The following PRPF6 variants were observed in gnomAD, a reference collection of about 807,000 sequenced individuals.
The protein encoded by PRPF6 is pre-mRNA-processing factor 6.
In PRPF6, 42 loss-of-function variants were observed where a neutral mutation model predicts 118.3. That is an observed-to-expected ratio of 0.35 (90% CI 0.28 to 0.46). The LOEUF is 0.46. Among genes scored for constraint, PRPF6 ranks in the 20% least tolerant of loss-of-function variants. The pLI is 1.00. For synonymous variants in PRPF6, 481 were observed against 485.1 expected (o/e 0.99, Z 0.11); for missense variants, 662 against 1,255.7 (o/e 0.53, Z 7.15).
intron 12 of PRPF6, among the ~76,000 whole-genome samples, chr20:64,017,150 G>A (rs1467889735): frequency 6.6e-6 from 1 of 152,222 alleles, no homozygotes; most frequent in African/African-American, 2.4e-5. Flanking sequence ...CACCGTGTTA[G>A]CCAGGATGGT....
intron 14 of PRPF6, 87 bp downstream of exon 14, chr20:64,024,780 A>G (rs1171411646): frequency 1.3e-6 from 2 of 1,515,516 alleles, no homozygotes; most frequent in African/African-American, 1.4e-5. Context: ...TCTCCCACAT[A>G]CAATGTGGCA....
chr20:63,981,352 C>T (rs1482401017), intron 1 of PRPF6, 36 bp downstream of exon 1: 3 of 1,547,750 alleles, frequency 1.9e-6, no homozygotes, highest in Non-Finnish European at 2.6e-6. Context: ...GGCGGGGACC[C>T]GGCTACAGGA....
intron 3 of PRPF6, among the ~76,000 whole-genome samples, chr20:63,991,717 G>A (rs1207032548): frequency 1.3e-5 from 2 of 152,064 alleles, no homozygotes; most frequent in Non-Finnish European, 1.5e-5. Flanking sequence ...TTAAACCCAG[G>A]AGGCGGAGGT....
rs1485530364 is a variant in PRPF6 at position 64,027,644 on chromosome 20, C to T, written c.2247C>T (p.Leu749=). Residue 749 remains leucine (L), a synonymous_variant, in exon 17 of 21, where the codon CTC becomes CTT. Coordinates refer to ENST00000266079, the MANE Select transcript of PRPF6 (RefSeq NM_012469.4). The surrounding 1 kb of genome is among the most constrained non-coding windows in gnomAD (Gnocchi z 6.5). Reference sequence around the variant, plus strand: ...ACTCCACACCCCTGTGGCTTTTGCTCTCTCGGCTGGAGGAGAAGATTGGGC... The same window carrying T: ...ACTCCACACCCCTGTGGCTTTTGCTTTCTCGGCTGGAGGAGAAGATTGGGC... ...CPHSTPLWLL[L]SRLEEKIGQL... 1.2e-6 allele frequency: 2 copies of T among 1,614,142 alleles called. 1 individual carries two copies. The highest frequency in any genetic ancestry group is 2.2e-5 in the South Asian group (2 of 91,074).
At chr20:64,021,239 G>T (rs1404020273) in intron 12 of PRPF6, among the ~76,000 whole-genome samples, 2 of 151,262 alleles carry the variant, frequency 1.3e-5, no homozygotes, top group African/African-American at 4.9e-5. Context: ...CCATGTCTGT[G>T]TGTGCGTGTG....
intron 14 of PRPF6, 121 bp downstream of exon 14, chr20:64,024,814 G>T (rs1030708014): frequency 1.3e-5 from 18 of 1,416,350 alleles, no homozygotes; most frequent in Non-Finnish European, 1.5e-5. Context: ...GGGTGCACTG[G>T]AGTCCAGGGG....
chr20:64,022,170 C>T (rs1391324995), intron 12 of PRPF6, among the ~76,000 whole-genome samples: 6 of 152,374 alleles, frequency 3.9e-5, no homozygotes, highest in Non-Finnish European at 7.3e-5. Flanking sequence ...TGTTTCTTGT[C>T]CTCATCCTCA....
chr20:64,004,990 G>A (rs993979595), intron 9 of PRPF6, among the ~76,000 whole-genome samples: 3 of 152,182 alleles, frequency 2.0e-5, no homozygotes, highest in South Asian at 2.1e-4. Context: ...CTGCAGTCAC[G>A]TGACCCCCGG....
intron 12 of PRPF6, among the ~76,000 whole-genome samples, chr20:64,021,282 C>T (rs1057237966): frequency 2.9e-5 from 4 of 138,858 alleles, no homozygotes; most frequent in African/African-American, 8.8e-5. Context: ...TTGGCCACAG[C>T]CCCGTGCGTG....
chr20:63,994,890 T>C, intron 4 of PRPF6, 26 bp from the exon 5 acceptor site: 1 of 1,614,114 alleles, frequency 6.2e-7, no homozygotes, highest in South Asian at 1.1e-5. Flanking sequence ...AGAGAATTAA[T>C]GTTTTTGGGG....
At chr20:63,984,832 T>C in intron 2 of PRPF6, 75 bp from the exon 3 acceptor site, 1 of 1,058,080 alleles carries the variant, frequency 9.5e-7, no homozygotes, top group Non-Finnish European at 1.5e-6. Context: ...ATTTCACAAG[T>C]AGAGATCTCC....
rs1032933476 is a variant in PRPF6 at position 64,029,786 on chromosome 20, C to T, written c.2546+295C>T. On this transcript the variant is annotated intron_variant, in intron 19 of 20. Transcript: ENST00000266079. This position sits in a 1 kb window ranked among gnomAD's most constrained non-coding sequence, Gnocchi z 4.8. ...GTGTGATTCACACTGGTGCGCTGGC[C>T]GCCAGGTCAGAGACTCACCGGGGAC... 4.5e-5 allele frequency among the ~76,000 whole-genome samples: 5 copies of T among 110,916 alleles called. No homozygotes were observed. Among genetic ancestry groups the T allele is most frequent in the African/African-American group, 8.3e-5 (3 of 36,294 alleles). 72.8% of individuals were successfully genotyped at this position (110,916 alleles called of 152,430 possible). A position where few individuals can be genotyped will look rare whatever the true frequency, so the allele number is the denominator to read the frequency against.
At position 64,029,512 on chromosome 20, in the gene PRPF6, A is replaced by C. The variant is rs576302280; in HGVS notation, c.2546+21A>C. 21 of 1,601,516 alleles carry C rather than the reference A, an allele frequency of 1.3e-5. No homozygotes were observed. Among genetic ancestry groups the C allele is most frequent in the Non-Finnish European group, 1.8e-5 (21 of 1,168,836 alleles). Reference sequence around the variant, plus strand: ...GCCAAGTGAGTGGGGCCCCCACAGGATTGCTGAACCTCGGGGTCCTAATGG... The same window carrying C: ...GCCAAGTGAGTGGGGCCCCCACAGGCTTGCTGAACCTCGGGGTCCTAATGG... On this transcript the variant is annotated intron_variant, in intron 19 of 20. Transcript: ENST00000266079. The surrounding 1 kb of genome is among the most constrained non-coding windows in gnomAD (Gnocchi z 4.8).
chr20:63,981,367 AGTGCTTTGGGGC>A (rs757279819), intron 1 of PRPF6, 51 bp downstream of exon 1: 4 of 1,521,856 alleles, frequency 2.6e-6, no homozygotes, highest in Non-Finnish European at 3.6e-6. Flanking sequence ...ACAGGAGCGC[AGTGCTTTGGGGC>A]GTGTTTGGGG....
At chr20:63,988,068 C>G (rs1049329898) in intron 3 of PRPF6, among the ~76,000 whole-genome samples, 3 of 151,952 alleles carry the variant, frequency 2.0e-5, no homozygotes, top group Non-Finnish European at 4.4e-5. Context: ...GCCTGTAATC[C>G]CAGCACCTTG....
At chr20:63,989,715 A>T (rs1447580768) in intron 3 of PRPF6, among the ~76,000 whole-genome samples, 1 of 151,552 alleles carries the variant, frequency 6.6e-6, no homozygotes, top group Non-Finnish European at 1.5e-5. Context: ...GGGTTTCACC[A>T]TGTTGGCCAG....
At chr20:63,990,561 C>T (rs1319752629) in intron 3 of PRPF6, among the ~76,000 whole-genome samples, 1 of 151,802 alleles carries the variant, frequency 6.6e-6, no homozygotes, top group Non-Finnish European at 1.5e-5. Flanking sequence ...ACCTTCAATT[C>T]CTGGCTCAAG....
At chr20:64,013,204 A>G (rs1157048193) in intron 11 of PRPF6, among the ~76,000 whole-genome samples, 2 of 152,140 alleles carry the variant, frequency 1.3e-5, no homozygotes, top group African/African-American at 2.4e-5. Context: ...ACCTCAAGCA[A>G]CCTGCCCGCC....
intron 6 of PRPF6, among the ~76,000 whole-genome samples, chr20:63,997,332 C>T (rs913038506): frequency 1.3e-5 from 2 of 150,008 alleles, no homozygotes; most frequent in South Asian, 4.2e-4. Context: ...TCTCTGTCAC[C>T]CAGGCTGGAG....
Sources: allele counts gnomAD v4.1 joint callset (sites outside exome capture counted in the v4.1 genomes callset), GRCh38; gene constraint gnomAD v4.1.1; non-coding constraint Gnocchi (gnomAD v3.1); transcripts MANE v1.5; gene names NCBI Gene and HGNC (gene_info 2026-07-23, HGNC 2026-07-21).